The following STYXL2 variants were observed in gnomAD, a reference collection of about 807,000 sequenced individuals.
The protein encoded by STYXL2 is serine/threonine/tyrosine interacting like 2, also known as serine/threonine/tyrosine-interacting-like protein 2.
Under a neutral mutation model 52.4 loss-of-function variants are expected in STYXL2, and 44 were observed. That is an observed-to-expected ratio of 0.84 (90% CI 0.66 to 1.08). STYXL2 has a LOEUF of 1.08. Among genes scored for constraint, STYXL2 ranks in the 50% least tolerant of loss-of-function variants. The pLI is 0.00. For synonymous variants in STYXL2, 604 were observed against 586.9 expected (o/e 1.03, Z -0.42); for missense variants, 1,604 against 1,471.7 (o/e 1.09, Z -1.47).
intron 2 of STYXL2, among the ~76,000 whole-genome samples, chr1:167,099,004 A>T (rs748048152): frequency 6.6e-6 from 1 of 152,208 alleles, no homozygotes; most frequent in Non-Finnish European, 1.5e-5. Context: ...TACCAAGGTG[A>T]TATTGTAAAG....
intron 2 of STYXL2, among the ~76,000 whole-genome samples, chr1:167,101,013 G>C (rs1473592515): frequency 6.6e-6 from 1 of 152,140 alleles, no homozygotes; most frequent in African/African-American, 2.4e-5. Context: ...AGTCTACAGT[G>C]CTTTTTAAAA....
At position 167,128,488 on chromosome 1, in the gene STYXL2, G is replaced by C; in HGVS notation, c.3357G>C (p.Gln1119His). The stretch of plus-strand genomic sequence containing the variant: ...GGTTTGCATCTGGACGGCGGTCCCA[G>C]TATCGGAGAAGCACTGACAGGGAGG... The part of the protein sequence containing the change: ...EGRFASGRRS[Q>H]YRRSTDREEE... Residue 1119 changes from glutamine to histidine, a missense_variant, in exon 6 of 6, where the codon CAG becomes CAC. Gln to His is a conservative substitution (Grantham distance 24). Transcript: ENST00000361200. The C allele has an allele frequency of 6.2e-7, 1 of 1,614,012 alleles. No homozygotes were observed. The highest frequency in any genetic ancestry group is 8.5e-7 in the Non-Finnish European group (1 of 1,179,940).
At chr1:167,118,288 G>T (rs557620031) in intron 4 of STYXL2, among the ~76,000 whole-genome samples, 4 of 152,232 alleles carry the variant, frequency 2.6e-5, no homozygotes, top group African/African-American at 9.6e-5. Context: ...GCATAATTGC[G>T]ACCACTTGGT....
Position 167,127,024 on chromosome 1 carries a change from G to A in STYXL2, c.1893G>A (p.Glu631=). 6.2e-7 allele frequency: 1 copy of A among 1,607,094 alleles called. No homozygotes were observed. Among genetic ancestry groups the A allele is most frequent in the Non-Finnish European group, 8.5e-7 (1 of 1,175,850 alleles). Residue 631 remains glutamate (E), a synonymous_variant, in exon 6 of 6, where the codon GAG becomes GAA. Transcript: ENST00000361200. ...KKRQRRLELL[E]RSRQTLEESQ... is the part of the protein sequence containing the mutation. ...GACAACGGAGGCTGGAGCTGCTGGAGAGAAGCCGGCAGACGCTGGAGGAGA... is the reference window on the plus strand; with the variant it reads ...GACAACGGAGGCTGGAGCTGCTGGAAAGAAGCCGGCAGACGCTGGAGGAGA...
rs777654054 is a variant in STYXL2 at position 167,127,155 on chromosome 1, C to G, written c.2024C>G (p.Thr675Arg). ...ADPSVSADGD[T>R]TSVLSTQSHR... ...CCCTCAGTCAGCGCTGATGGGGACA[C>G]GACGTCAGTACTGAGCACCCAGAGC... Residue 675 changes from threonine to arginine, a missense_variant, in exon 6 of 6, where the codon ACG (threonine) becomes AGG (arginine). By Grantham distance (71) the Thr-to-Arg change is moderately conservative. Coordinates refer to ENST00000361200, the MANE Select transcript of STYXL2 (RefSeq NM_001080426.3). The G allele has an allele frequency of 2.5e-6, 4 of 1,613,994 alleles. No individual in the cohort carries two copies. Among genetic ancestry groups the G allele is most frequent in the African/African-American group, 2.7e-5 (2 of 74,910 alleles).
intron 3 of STYXL2, among the ~76,000 whole-genome samples, chr1:167,117,063 C>G (rs941666950): frequency 2.0e-5 from 3 of 152,224 alleles, no homozygotes. Flanking sequence ...CGACCAGCTT[C>G]AGAGAAGCAT....
At chr1:167,097,743 A>C (rs908955627) in intron 2 of STYXL2, among the ~76,000 whole-genome samples, 1 of 152,124 alleles carries the variant, frequency 6.6e-6, no homozygotes, top group African/African-American at 2.4e-5. Context: ...TGGTAGATTT[A>C]AGCTCAAATA....
At chr1:167,109,321 A>C (rs1410503913) in intron 2 of STYXL2, among the ~76,000 whole-genome samples, 1 of 152,140 alleles carries the variant, frequency 6.6e-6, no homozygotes, top group East Asian at 1.9e-4. Context: ...CGGCTGCCTA[A>C]ATATAAACTC....
At position 167,128,319 on chromosome 1, in the gene STYXL2, C is replaced by T. The variant is rs944761044; in HGVS notation, c.3188C>T (p.Ala1063Val). The T allele has an allele frequency of 3.1e-6, 5 of 1,613,854 alleles. No homozygotes were observed. The highest frequency in any genetic ancestry group is 2.2e-5 in the East Asian group (1 of 44,880). Residue 1063 changes from alanine to valine, a missense_variant, in exon 6 of 6, where the codon GCC (alanine) becomes GTC (valine). Coordinates refer to ENST00000361200, the MANE Select transcript of STYXL2 (RefSeq NM_001080426.3). ...ESPEPQRPNW[A>V]RSRDWEDVEE... ...CCAGAACCACAGCGCCCAAATTGGGCCAGGTCCAGGGACTGGGAAGATGTG... is the reference window on the plus strand; with the variant it reads ...CCAGAACCACAGCGCCCAAATTGGGTCAGGTCCAGGGACTGGGAAGATGTG...
At chr1:167,121,429 G>A (rs1667855653) in intron 5 of STYXL2, among the ~76,000 whole-genome samples, 1 of 152,250 alleles carries the variant, frequency 6.6e-6, no homozygotes, top group Non-Finnish European at 1.5e-5. Flanking sequence ...GGAGCGCACC[G>A]GCAGACCTCG....
intron 3 of STYXL2, 58 bp from the exon 4 acceptor site, chr1:167,117,270 A>T (rs1325287190): frequency 3.4e-6 from 5 of 1,452,416 alleles, no homozygotes; most frequent in Admixed American, 3.9e-5. Flanking sequence ...CTCCCCAGGA[A>T]CAAGGAAGGC....
chr1:167,126,833 G>T lies in STYXL2; in HGVS notation c.1702G>T (p.Gly568Cys). 1 of 1,614,218 alleles carries T rather than the reference G, an allele frequency of 6.2e-7. No individual in the cohort carries two copies. The highest frequency in any genetic ancestry group is 8.5e-7 in the Non-Finnish European group (1 of 1,180,020). ...KKDLGAGDSS[G>C]EPGAEEAVGE... ...AGACTTGGGAGCGGGAGACAGCAGC[G>T]GTGAGCCCGGTGCAGAGGAGGCAGT... Residue 568 changes from glycine (G) to cysteine (C), a missense_variant, in exon 6 of 6, where the codon GGT becomes TGT. By Grantham distance (159) the Gly-to-Cys change is radical. Coordinates refer to ENST00000361200, the MANE Select transcript of STYXL2 (RefSeq NM_001080426.3).
intron 2 of STYXL2, among the ~76,000 whole-genome samples, chr1:167,097,148 C>T (rs1053078475): frequency 6.6e-6 from 1 of 152,202 alleles, no homozygotes; most frequent in African/African-American, 2.4e-5. Flanking sequence ...CTCTGCCCTC[C>T]TAGCTGTCTT....
At chr1:167,121,318 CCTT>C (rs1431097758) in intron 5 of STYXL2, among the ~76,000 whole-genome samples, 3 of 152,188 alleles carry the variant, frequency 2.0e-5, no homozygotes, top group Admixed American at 6.5e-5. Context: ...CCAAAAAACT[CCTT>C]CTTTTTAAAA....
At chr1:167,111,466 GTACATATATA>G (rs1667614183) in intron 2 of STYXL2, among the ~76,000 whole-genome samples, 1 of 78,464 alleles carries the variant, frequency 1.3e-5, no homozygotes, top group Non-Finnish European at 2.8e-5. Context: ...GGAAAATATG[GTACATATATA>G]TATATATATA....
At position 167,096,765 on chromosome 1, in the gene STYXL2, A is replaced by G. The variant is rs551576530; in HGVS notation, c.110+1806A>G. On this transcript the variant is annotated intron_variant, in intron 2 of 5. Coordinates refer to ENST00000361200, the MANE Select transcript of STYXL2 (RefSeq NM_001080426.3). ...AGGAAATCAGTGTGTCGATAATAGCAGTCTCAGCCACAATGTACTCCTCTA... is the reference window on the plus strand; with the variant it reads ...AGGAAATCAGTGTGTCGATAATAGCGGTCTCAGCCACAATGTACTCCTCTA... Among the ~76,000 whole-genome samples, 107 of 152,344 alleles carry G rather than the reference A, an allele frequency of 7.0e-4. 1 individual carries two copies. The South Asian group carries it at 7.2e-3, about 10-fold the overall frequency.
At chr1:167,097,728 T>C (rs940462090) in intron 2 of STYXL2, among the ~76,000 whole-genome samples, 4 of 150,432 alleles carry the variant, frequency 2.7e-5, no homozygotes, top group East Asian at 1.9e-4. Context: ...AAGAAAATAG[T>C]AGGATGGTAG....
intron 5 of STYXL2, 94 bp downstream of exon 5, chr1:167,119,560 A>G: frequency 9.4e-7 from 1 of 1,068,700 alleles, no homozygotes; most frequent in Non-Finnish European, 1.4e-6. Flanking sequence ...GGCGTGTGTG[A>G]GGGGTATCTG....
At chr1:167,111,135 G>T (rs564976926) in intron 2 of STYXL2, among the ~76,000 whole-genome samples, 1 of 152,078 alleles carries the variant, frequency 6.6e-6, no homozygotes, top group African/African-American at 2.4e-5. Context: ...GAGAATAATC[G>T]GTGTTCCTGA....
Sources: gnomAD v4.1 joint callset for allele counts (sites outside exome capture counted in the v4.1 genomes callset) on GRCh38, gnomAD v4.1.1 for gene constraint, MANE v1.5 for transcripts, NCBI Gene and HGNC (gene_info 2026-07-23, HGNC 2026-07-21) for gene names.